The following PYHIN1 variants were observed in gnomAD, a reference collection of about 807,000 sequenced individuals.
PYHIN1 encodes the protein pyrin and HIN domain family member 1, also known as pyrin and HIN domain-containing protein 1.
PYHIN1 carries 32 observed loss-of-function variants against 43.7 expected under a neutral mutation model. That is an observed-to-expected ratio of 0.73 (90% CI 0.55 to 0.98). The LOEUF (loss-of-function observed/expected upper bound fraction) is 0.98, where lower values mean the gene tolerates loss of function less well. Ranked by LOEUF, PYHIN1 falls within the 50% of genes least tolerant of loss-of-function variation. The pLI, the probability that PYHIN1 is intolerant of heterozygous loss-of-function variation, is 0.00. For missense variants in PYHIN1, 588 were observed against 589.5 expected, an observed-to-expected ratio of 1.00 and a Z score of 0.03; for synonymous variants, 205 against 203.1, an observed-to-expected ratio of 1.01 and a Z score of -0.08.
chr1:158,932,816 A>G (rs1648240999), intron 1 of PYHIN1, among the ~76,000 whole-genome samples: 2 of 152,100 alleles, frequency 1.3e-5, no homozygotes, highest in Non-Finnish European at 2.9e-5. Context: ...CTGAAAGTTA[A>G]TGATGTTTTA....
At position 158,933,816 on chromosome 1, in the gene PYHIN1, AG is replaced by A. The variant is rs1381641125; in HGVS notation, c.-21+2043del. 6.6e-6 allele frequency among the ~76,000 whole-genome samples: 1 copy of A among 151,736 alleles called. No individual in the cohort carries two copies. The highest frequency in any genetic ancestry group is 1.5e-5 in the Non-Finnish European group (1 of 67,902). On this transcript the variant is annotated intron_variant, in intron 1 of 8. Transcript: ENST00000368140. This position sits in a 1 kb window ranked among gnomAD's most constrained non-coding sequence, Gnocchi z 6.3. ...CTTTCTGTTTCTCTTTTCTTTGATC[AG>A]GGCTTTCTTTTTAAGTCATAGGCAC...
At chr1:158,986,205 A>C in the PYHIN1 span, among the ~76,000 whole-genome samples, 5 of 152,158 alleles carry the variant, frequency 3.3e-5, no homozygotes, top group Admixed American at 2.6e-4. Context: ...GAGTTCTTGC[A>C]CTGGTTCTTT....
chr1:158,981,061 T>C (rs1651468371), downstream of PYHIN1, among the ~76,000 whole-genome samples: 1 of 152,166 alleles, frequency 6.6e-6, no homozygotes, highest in Admixed American at 6.6e-5. Context: ...CATTGAAATA[T>C]TGGAGTCAGG....
the PYHIN1 span, among the ~76,000 whole-genome samples, chr1:158,985,637 T>C: frequency 2.0e-5 from 3 of 152,184 alleles, no homozygotes; most frequent in Non-Finnish European, 4.4e-5. Context: ...TCTTAGGGAT[T>C]GTCATCTTGT....
At chr1:158,990,632 CTATAAT>C in the PYHIN1 span, among the ~76,000 whole-genome samples, 1 of 152,272 alleles carries the variant, frequency 6.6e-6, no homozygotes, top group African/African-American at 2.4e-5. Flanking sequence ...TCCAATCTAA[CTATAAT>C]TATATCTTTT....
chr1:158,984,031 T>TG, the PYHIN1 span, among the ~76,000 whole-genome samples: 1 of 132,272 alleles, frequency 7.6e-6, no homozygotes, highest in African/African-American at 2.8e-5. Flanking sequence ...TTCTCCTGTT[T>TG]TTTTTTTTTT....
At chr1:158,965,602 T>C (rs958726326) in intron 7 of PYHIN1, among the ~76,000 whole-genome samples, 1 of 152,114 alleles carries the variant, frequency 6.6e-6, no homozygotes, top group Admixed American at 6.6e-5. Flanking sequence ...GCTCCAACCA[T>C]ACAATTACAT....
the PYHIN1 span, among the ~76,000 whole-genome samples, chr1:158,990,506 A>T: frequency 2.6e-5 from 4 of 152,066 alleles, no homozygotes; most frequent in Admixed American, 1.3e-4. Context: ...CTCACAGCCA[A>T]CATTTTTGTC....
At chr1:158,938,223 G>GC (rs1424280545) in intron 2 of PYHIN1, among the ~76,000 whole-genome samples, 174 bp from the exon 3 acceptor site, 1 of 152,170 alleles carries the variant, frequency 6.6e-6, no homozygotes, top group Non-Finnish European at 1.5e-5. Flanking sequence ...CAGTGTTTGT[G>GC]CCTTTGTTTC....
intron 7 of PYHIN1, among the ~76,000 whole-genome samples, chr1:158,962,267 T>C (rs1650364718): frequency 6.6e-6 from 1 of 152,094 alleles, no homozygotes; most frequent in South Asian, 2.1e-4. Context: ...TACCTGGGCT[T>C]TGGTGACTAT....
downstream of PYHIN1, among the ~76,000 whole-genome samples, chr1:158,981,956 A>G (rs1437500307): frequency 6.6e-6 from 1 of 152,180 alleles, no homozygotes. Context: ...AGAAAGATCT[A>G]TTCATGGCTT....
chr1:158,949,889 T>C (rs1649438499), intron 7 of PYHIN1, among the ~76,000 whole-genome samples: 1 of 152,232 alleles, frequency 6.6e-6, no homozygotes, highest in Non-Finnish European at 1.5e-5. Context: ...TGCCTGCAGC[T>C]AAGACTGTTA....
intron 7 of PYHIN1, among the ~76,000 whole-genome samples, chr1:158,965,495 T>C (rs545030390): frequency 1.4e-3 from 210 of 152,130 alleles, no homozygotes; most frequent in African/African-American, 4.6e-3. Flanking sequence ...CACGATCAGA[T>C]ATAAAACAAT....
chr1:158,942,199 A>G lies in PYHIN1; in HGVS notation c.802A>G (p.Ile268Val). The stretch of plus-strand genomic sequence containing the variant: ...GAAGAGGAAATTCATTAAAAAGAGA[A>G]TCATCATTATATCAAATTATTCCAA... ...NLKRKFIKKR[I>V]IIISNYSKRN... Residue 268 changes from isoleucine (I) to valine (V), a missense_variant, in exon 5 of 9, where the codon ATC (isoleucine) becomes GTC (valine). Transcript: ENST00000368140. The G allele has an allele frequency of 1.2e-6, 2 of 1,613,992 alleles. No homozygotes were observed. Among genetic ancestry groups the G allele is most frequent in the Non-Finnish European group, 1.7e-6 (2 of 1,179,904 alleles).
chr1:158,959,113 G>T (rs1650167911), intron 7 of PYHIN1, among the ~76,000 whole-genome samples: 1 of 150,982 alleles, frequency 6.6e-6, no homozygotes, highest in African/African-American at 2.4e-5. Context: ...GAGGTCCGTT[G>T]CACTCCCTTT....
intron 7 of PYHIN1, among the ~76,000 whole-genome samples, chr1:158,954,520 G>T (rs1334651846): frequency 6.6e-6 from 1 of 151,442 alleles, no homozygotes; most frequent in Non-Finnish European, 1.5e-5. Context: ...AAGTGAAGGA[G>T]AAATAAAATA....
At chr1:158,952,058 A>G (rs552921343) in intron 7 of PYHIN1, among the ~76,000 whole-genome samples, 3 of 151,002 alleles carry the variant, frequency 2.0e-5, no homozygotes, top group Admixed American at 6.6e-5. Flanking sequence ...GGTGGGCCCC[A>G]GGGTGGTGGC....
downstream of PYHIN1, among the ~76,000 whole-genome samples, chr1:158,980,979 G>A (rs556889653): frequency 1.2e-3 from 181 of 152,214 alleles, no homozygotes; most frequent in Non-Finnish European, 1.8e-3. Flanking sequence ...TCGTGGCCCA[G>A]CTGTAAAATT....
At chr1:158,973,177 C>G (rs755384972) in intron 7 of PYHIN1, among the ~76,000 whole-genome samples, 12 of 152,074 alleles carry the variant, frequency 7.9e-5, no homozygotes, top group East Asian at 5.8e-4. Context: ...GTGACTCCCC[C>G]ACACCTATGA....
Sources: allele counts gnomAD v4.1 joint callset (sites outside exome capture counted in the v4.1 genomes callset), GRCh38; gene constraint gnomAD v4.1.1; non-coding constraint Gnocchi (gnomAD v3.1); transcripts MANE v1.5; gene names NCBI Gene and HGNC (gene_info 2026-07-23, HGNC 2026-07-21).